RANBP2: variants seen among roughly 807,000 people sequenced by gnomAD.
The protein encoded by RANBP2 is RAN binding protein 2, also known as E3 SUMO-protein ligase RanBP2.
RANBP2 carries 57 observed loss-of-function variants against 303.6 expected under a neutral mutation model. The ratio of observed to expected loss-of-function variants is 0.19; its 90% CI spans 0.15 to 0.23. The LOEUF is 0.23. Ranked by LOEUF, RANBP2 falls within the 10% of genes least tolerant of loss-of-function variation. The probability of loss-of-function intolerance (pLI) is 1.00; values close to 1 mark genes in which losing one functional copy is unlikely to be tolerated. For missense variants in RANBP2, 3,138 were observed against 3,780.8 expected (o/e 0.83, Z 4.46); for synonymous variants, 1,167 against 1,301.5 (o/e 0.90, Z 2.23).
At chr2:109,612,732 AAC>A in the RANBP2 span, among the ~76,000 whole-genome samples, 3 of 152,196 alleles carry the variant, frequency 2.0e-5, no homozygotes, top group African/African-American at 7.2e-5. Context: ...CATGCACACA[AAC>A]ACAGCAACTG....
the RANBP2 span, among the ~76,000 whole-genome samples, chr2:109,492,737 A>G: frequency 6.6e-6 from 1 of 152,104 alleles, no homozygotes; most frequent in Non-Finnish European, 1.5e-5. Flanking sequence ...CTCATGGCCC[A>G]CGCCCTGAGC....
the RANBP2 span, chr2:109,615,945 C>T: frequency 5.0e-6 from 8 of 1,598,016 alleles, no homozygotes; most frequent in Middle Eastern, 5.0e-4. Context: ...CCACACCACA[C>T]CCTCTTTCAG....
At chr2:109,114,960 C>A in the RANBP2 span, among the ~76,000 whole-genome samples, 2 of 152,136 alleles carry the variant, frequency 1.3e-5, no homozygotes, top group Non-Finnish European at 2.9e-5. Flanking sequence ...AGTTTCTTAA[C>A]CCTGAGTTCT....
chr2:109,395,049 G>A, the RANBP2 span, among the ~76,000 whole-genome samples: 10,507 of 152,266 alleles, frequency 0.069, 1,175 homozygotes, highest in African/African-American at 0.23. Flanking sequence ...GCTTTATGAC[G>A]TGACTAATTG....
the RANBP2 span, chr2:108,791,563 AT>A: frequency 2.2e-4 from 280 of 1,287,548 alleles, no homozygotes; most frequent in Non-Finnish European, 2.9e-4. Context: ...AGTTTAAAAA[AT>A]GTTTTTACAT....
At chr2:109,026,914 C>T in the RANBP2 span, among the ~76,000 whole-genome samples, 1 of 151,948 alleles carries the variant, frequency 6.6e-6, no homozygotes, top group Admixed American at 6.6e-5. Flanking sequence ...ATTAGCCAGG[C>T]ATGGTGGTGG....
the RANBP2 span, among the ~76,000 whole-genome samples, chr2:109,763,738 G>C: frequency 1.3e-5 from 2 of 150,336 alleles, no homozygotes; most frequent in African/African-American, 4.9e-5. Flanking sequence ...TTTTGAAGGA[G>C]GAAGGAGGAG....
chr2:109,446,899 G>A, the RANBP2 span, among the ~76,000 whole-genome samples: 24 of 152,198 alleles, frequency 1.6e-4, no homozygotes, highest in East Asian at 4.1e-3. Context: ...GGGCCACAGC[G>A]CTTCCCTGGC....
the RANBP2 span, among the ~76,000 whole-genome samples, chr2:109,231,034 G>A: frequency 2.0e-5 from 3 of 152,242 alleles, no homozygotes; most frequent in Non-Finnish European, 4.4e-5. Flanking sequence ...GTTCCTGAAT[G>A]TCAGCACGGA....
At chr2:109,486,511 A>T in the RANBP2 span, among the ~76,000 whole-genome samples, 1 of 152,260 alleles carries the variant, frequency 6.6e-6, no homozygotes, top group Non-Finnish European at 1.5e-5. Context: ...GAGTAAACAC[A>T]TTATAAAAAC....
the RANBP2 span, among the ~76,000 whole-genome samples, chr2:108,795,683 G>A: frequency 1.3e-5 from 2 of 152,176 alleles, no homozygotes; most frequent in Non-Finnish European, 2.9e-5. Flanking sequence ...AAAAGTTTAG[G>A]GAGAGACTTA....
the RANBP2 span, among the ~76,000 whole-genome samples, chr2:109,365,456 T>C: frequency 6.6e-6 from 1 of 152,228 alleles, no homozygotes; most frequent in South Asian, 2.1e-4. Flanking sequence ...CAGTTTGCCC[T>C]GTGACCTCAG....
the RANBP2 span, among the ~76,000 whole-genome samples, chr2:108,915,533 G>T: frequency 1.3e-5 from 2 of 152,124 alleles, no homozygotes; most frequent in Non-Finnish European, 2.9e-5. Flanking sequence ...TTCCTCGTGG[G>T]CCTCAAACTT....
At chr2:109,251,169 A>AT in the RANBP2 span, among the ~76,000 whole-genome samples, 2 of 151,692 alleles carry the variant, frequency 1.3e-5, no homozygotes, top group Non-Finnish European at 2.9e-5. Flanking sequence ...TGCCTGGCTA[A>AT]TTTTTTTATT....
Position 108,744,233 on chromosome 2 carries a change from A to G in RANBP2, c.976-2478A>G, listed in dbSNP as rs549186394. ...ATCCTGACCAACATGGTCAAACCCCATCTCTACTAAAAATACAAAAATTAG... is the reference window on the plus strand; with the variant it reads ...ATCCTGACCAACATGGTCAAACCCCGTCTCTACTAAAAATACAAAAATTAG... On this transcript the variant is annotated intron_variant, in intron 7 of 28. Transcript: ENST00000283195. Among the ~76,000 whole-genome samples, 177 of 152,266 alleles carry G rather than the reference A, an allele frequency of 1.2e-3. 1 individual carries two copies. The highest frequency in any genetic ancestry group is 4.0e-3 in the African/African-American group (167 of 41,560).
chr2:109,575,372 T>G, the RANBP2 span, among the ~76,000 whole-genome samples: 48,629 of 152,134 alleles, frequency 0.32, 8,001 homozygotes, highest in Admixed American at 0.42. Flanking sequence ...AAAGCCTAAG[T>G]AAAGAAGAAA....
At chr2:109,599,249 G>C in the RANBP2 span, among the ~76,000 whole-genome samples, 1 of 152,070 alleles carries the variant, frequency 6.6e-6, no homozygotes, top group Admixed American at 6.5e-5. Context: ...CTTGAGGTCA[G>C]GAGTTTGAGA....
chr2:108,772,794 T>A, intron 22 of RANBP2, 74 bp from the exon 23 acceptor site: 6 of 1,494,282 alleles, frequency 4.0e-6, no homozygotes, highest in Non-Finnish European at 5.5e-6. Context: ...GTGGATTATG[T>A]TGATGACTAC....
At chr2:108,815,850 AT>A in the RANBP2 span, 1 of 1,078,506 alleles carries the variant, frequency 9.3e-7, no homozygotes, top group Non-Finnish European at 1.3e-6. Flanking sequence ...CTTTAGTCAA[AT>A]TATTCTTATT....
Sources: gnomAD v4.1 joint callset for allele counts (sites outside exome capture counted in the v4.1 genomes callset) on GRCh38, gnomAD v4.1.1 for gene constraint, MANE v1.5 for transcripts, NCBI Gene and HGNC (gene_info 2026-07-23, HGNC 2026-07-21) for gene names.